The following BRD4 variants were observed in gnomAD, a reference collection of about 807,000 sequenced individuals.
The protein encoded by BRD4 is bromodomain-containing protein 4.
In BRD4, 16 loss-of-function variants were observed where a neutral mutation model predicts 142.1. That is an observed-to-expected ratio of 0.11 (90% CI 0.08 to 0.17). The LOEUF is 0.17. BRD4 is among the 10% of genes least tolerant of loss of function. BRD4 has a pLI of 1.00. For missense variants in BRD4, 1,424 were observed against 1,810.9 expected (o/e 0.79, Z 3.88); for synonymous variants, 833 against 707.5 (o/e 1.18, Z -2.82).
chr19:15,311,184 T>C (rs2047967160), intron 1 of BRD4, among the ~76,000 whole-genome samples: 1 of 151,756 alleles, frequency 6.6e-6, no homozygotes, highest in Non-Finnish European at 1.5e-5. Context: ...CCCAGCTACT[T>C]GAGAGGCTGA....
At chr19:15,316,453 T>C (rs2048019177) in intron 1 of BRD4, among the ~76,000 whole-genome samples, 1 of 151,938 alleles carries the variant, frequency 6.6e-6, no homozygotes, top group Non-Finnish European at 1.5e-5. Flanking sequence ...CAGTCGGGCA[T>C]GGTGGCGCAT....
At chr19:15,251,454 GGCGGGGGC>G (rs2047345179) in intron 11 of BRD4, among the ~76,000 whole-genome samples, 1 of 73,190 alleles carries the variant, frequency 1.4e-5, no homozygotes, top group African/African-American at 5.2e-5. Context: ...GGGGGGGGGG[GGCGGGGGC>G]GCGGGCCTGC....
rs763779694 is a variant in BRD4, at chr19:15,242,977, G to A, written c.3092C>T (p.Pro1031Leu). Residue 1031 changes from proline to leucine, a missense_variant, in exon 14 of 20, where the codon CCG becomes CTG. Pro to Leu is a moderately conservative substitution (Grantham distance 98). Coordinates refer to ENST00000679869, the MANE Select transcript of BRD4 (RefSeq NM_001379291.1). ...HPPPGQQPPPPQPAKPQQVIQ... is the reference protein window; with the variant it reads ...HPPPGQQPPPLQPAKPQQVIQ... Reference sequence around the variant, plus strand: ...GACTTGCTGAGGCTTGGCAGGCTGCGGCGGGGGTGGCTGCTGGCCTGGGGG... The same window carrying A: ...GACTTGCTGAGGCTTGGCAGGCTGCAGCGGGGGTGGCTGCTGGCCTGGGGG... The A allele has an allele frequency of 6.3e-6, 10 of 1,589,546 alleles. No homozygotes were observed. Among genetic ancestry groups the A allele is most frequent in the Admixed American group, 1.8e-5 (1 of 56,796 alleles).
At chr19:15,273,338 G>A (rs1448539256) in intron 1 of BRD4, among the ~76,000 whole-genome samples, 1 of 152,182 alleles carries the variant, frequency 6.6e-6, no homozygotes, top group Non-Finnish European at 1.5e-5. Context: ...GCAGGGAGGA[G>A]ACCACAAACC....
rs2145510429 is a variant in BRD4, at chr19:15,243,015, C to T, written c.3054G>A (p.Gln1018=). 8.7e-7 allele frequency: 1 copy of T among 1,142,904 alleles called. No individual in the cohort carries two copies. The highest frequency in any genetic ancestry group is 1.1e-6 in the Non-Finnish European group (1 of 892,388). 70.8% of individuals were successfully genotyped at this position (1,142,904 alleles called of 1,614,324 possible). The change falls in exon 14 of 20, where the codon CAG becomes CAA. Residue 1018 remains glutamine (Q), a synonymous_variant. Coordinates refer to ENST00000679869, the MANE Select transcript of BRD4 (RefSeq NM_001379291.1). ...IQQPPPPQGQ[Q]PPHPPPGQQP... ...GCTGGCCTGGGGGCGGATGGGGGGG[C>T]TGCTGGCCCTGGGGTGGCGGGGGCT...
rs959516835 is a variant in BRD4 at position 15,331,991 on chromosome 19, C to G, written c.-35+299G>C. On this transcript the variant is annotated intron_variant, in intron 1 of 19. Transcript: ENST00000679869. ...GCCCCGCCGCGGCGCCCGCGCCCCCCACCCGCGCCCCGCCGGCCAGCCCAA... is the reference window on the plus strand; with the variant it reads ...GCCCCGCCGCGGCGCCCGCGCCCCCGACCCGCGCCCCGCCGGCCAGCCCAA... 2.8e-5 allele frequency: 4 copies of G among 143,030 alleles called. No individual in the cohort carries two copies. The East Asian group carries it at 6.3e-4, about 22-fold the overall frequency. The allele number at this position is 143,030 out of a possible 1,614,324, so 8.9% of individuals were successfully genotyped here.
rs1375524100 is a variant in BRD4 at position 15,236,960 on chromosome 19, T to C, written c.*1417A>G. 4.9e-6 allele frequency: 1 copy of C among 202,648 alleles called. No individual in the cohort carries two copies. The highest frequency in any genetic ancestry group is 2.4e-5 in the African/African-American group (1 of 42,206). The allele number at this position is 202,648 out of a possible 1,614,324, so 12.6% of individuals were successfully genotyped here. On this transcript the variant is annotated 3_prime_UTR_variant, in exon 20 of 20. Transcript: ENST00000679869. ...CAACACTGAGGCACCAGCGTCGTGGTGTAGAGTGGGTTCTCATGGCACGCG... is the reference window on the plus strand; with the variant it reads ...CAACACTGAGGCACCAGCGTCGTGGCGTAGAGTGGGTTCTCATGGCACGCG...
intron 10 of BRD4, among the ~76,000 whole-genome samples, chr19:15,254,479 C>A (rs1039102973): frequency 2.6e-5 from 4 of 152,160 alleles, no homozygotes; most frequent in Non-Finnish European, 5.9e-5. Context: ...TTCAAGGTTC[C>A]TTCAATCTCT....
rs1555734337 is a variant in BRD4 at position 15,237,250 on chromosome 19, G to GT, written c.*1126_*1127insA. ...CAAAAAAGCCAACAAATGGGTGGGGGGGGGGGGGGTGGAGGGGAAAGAAAA... is the reference window on the plus strand; with the variant it reads ...CAAAAAAGCCAACAAATGGGTGGGGGTGGGGGGGGGTGGAGGGGAAAGAAAA... On this transcript the variant is annotated 3_prime_UTR_variant, in exon 20 of 20. Transcript: ENST00000679869. 2 of 122,406 alleles carry GT rather than the reference G, an allele frequency of 1.6e-5. No individual in the cohort carries two copies. The highest frequency in any genetic ancestry group is 3.3e-5 in the Non-Finnish European group (2 of 61,026). The allele number at this position is 122,406 out of a possible 1,614,324, so 7.6% of individuals were successfully genotyped here.
chr19:15,264,463 G>A lies in BRD4; in HGVS notation c.1153C>T (p.Leu385=). The A allele has an allele frequency of 1.2e-6, 2 of 1,614,104 alleles. No homozygotes were observed. The highest frequency in any genetic ancestry group is 1.1e-5 in the South Asian group (1 of 91,076). ...ATGTCACAGTAGTCGTGTAGGCCCA[G>A]TGCCTCCACGTCCACAGGCTTGTAG... ...PFYKPVDVEA[L]GLHDYCDIIK... is the part of the protein sequence containing the mutation. The change falls in exon 6 of 20, where the codon CTG becomes TTG. Residue 385 remains leucine (L), a synonymous_variant. Coordinates refer to ENST00000679869, the MANE Select transcript of BRD4 (RefSeq NM_001379291.1).
Position 15,244,559 on chromosome 19 carries a change from A to C in BRD4, c.2253T>G (p.Ala751=), listed in dbSNP as rs1008719671. Residue 751 remains alanine, a synonymous_variant, in exon 13 of 20, where the codon GCT becomes GCG. Coordinates refer to ENST00000679869, the MANE Select transcript of BRD4 (RefSeq NM_001379291.1). The part of the protein sequence containing the change: ...HHHQQMQQAP[A]PVPQQPPPPP... ...GCGGGGGCGGCTGCTGGGGCACAGG[A>C]GCCGGGGCCTGCTGCATCTGCTGAT... is the stretch of plus-strand genomic sequence containing the variant. The C allele has an allele frequency of 1.2e-6, 2 of 1,601,912 alleles. No homozygotes were observed. Among genetic ancestry groups the C allele is most frequent in the African/African-American group, 2.7e-5 (2 of 74,354 alleles).
intron 1 of BRD4, among the ~76,000 whole-genome samples, chr19:15,274,241 G>A (rs2047621918): frequency 6.6e-6 from 1 of 152,192 alleles, no homozygotes; most frequent in Non-Finnish European, 1.5e-5. Flanking sequence ...ATTGGTAGAA[G>A]GACAGCATCA....
rs141552564 is a variant in BRD4 at position 15,255,426 on chromosome 19, G to T, written c.1918C>A (p.Arg640=). Residue 640 remains arginine (R), a synonymous_variant, in exon 10 of 20, where the codon CGG becomes AGG. Transcript: ENST00000679869. ...LGRVVHIIQS[R]EPSLKNSNPD... Reference sequence around the variant, plus strand: ...TTGGAATTCTTCAGGGAGGGCTCCCGTGACTGGATGATGTGCACCACGCGG... The same window carrying T: ...TTGGAATTCTTCAGGGAGGGCTCCCTTGACTGGATGATGTGCACCACGCGG... The T allele has an allele frequency of 7.4e-6, 12 of 1,614,024 alleles. No individual in the cohort carries two copies. In the African/African-American group the frequency reaches 1.6e-4, roughly 22 times the overall value.
chr19:15,307,433 G>GA (rs1278819183), intron 1 of BRD4, among the ~76,000 whole-genome samples: 1 of 152,168 alleles, frequency 6.6e-6, no homozygotes, highest in Non-Finnish European at 1.5e-5. Flanking sequence ...TCCAGTGGGT[G>GA]AATGTCCATT....
In BRD4 at chr19:15,267,827, G is replaced by A. The variant is rs547031589; in HGVS notation, c.424-276C>T. Among the ~76,000 whole-genome samples, 495 of 152,252 alleles carry A rather than the reference G, an allele frequency of 3.3e-3. 2 individuals are homozygous for A. Among genetic ancestry groups the A allele is most frequent in the Middle Eastern group, 0.01 (3 of 294 alleles). ...CTGAGAAGCCATCCTAATGCCTTAA[G>A]CATCTACCAAGCTCAGCCAATCACT... On this transcript the variant is annotated intron_variant, in intron 3 of 19. Coordinates refer to ENST00000679869, the MANE Select transcript of BRD4 (RefSeq NM_001379291.1).
chr19:15,251,806 A>G (rs918418064), intron 11 of BRD4, among the ~76,000 whole-genome samples: 1 of 152,248 alleles, frequency 6.6e-6, no homozygotes, highest in African/African-American at 2.4e-5. Context: ...CAGTGCACAC[A>G]GAAGGCAAAG....
Position 15,243,310 on chromosome 19 carries a change from G to A in BRD4, c.2759C>T (p.Ala920Val). ...CATCTGCATGGAGGTGAGGGGTGGGGCAGGTGGCTCTTCATCCTCCAGCAG... is the reference window on the plus strand; with the variant it reads ...CATCTGCATGGAGGTGAGGGGTGGGACAGGTGGCTCTTCATCCTCCAGCAG... ...QVLLEDEEPP[A>V]PPLTSMQMQL... is the part of the protein sequence containing the mutation. The change falls in exon 14 of 20, where the codon GCC (alanine) becomes GTC (valine). Residue 920 changes from alanine (A) to valine (V), a missense_variant. Physicochemically the swap from Ala to Val is moderately conservative, Grantham distance 64. This residue lies in a region of BRD4 where 598 missense variants were observed against 647.8 expected (regional missense o/e 0.92). Transcript: ENST00000679869. 2 of 1,285,336 alleles carry A rather than the reference G, an allele frequency of 1.6e-6. No individual in the cohort carries two copies. Among genetic ancestry groups the A allele is most frequent in the Non-Finnish European group, 2.0e-6 (2 of 993,498 alleles). The allele number at this position is 1,285,336 out of a possible 1,614,324, so 79.6% of individuals were successfully genotyped here. A position where few individuals can be genotyped will look rare whatever the true frequency, so the allele number is the denominator to read the frequency against.
chr19:15,280,450 A>G (rs1474239175), intron 1 of BRD4: 1 of 1,012,432 alleles, frequency 9.9e-7, no homozygotes, highest in Admixed American at 5.9e-5. Flanking sequence ...ATTCCAAAGA[A>G]TTTCATCCTC....
intron 1 of BRD4, among the ~76,000 whole-genome samples, chr19:15,325,574 T>C (rs187835430): frequency 1.3e-5 from 2 of 152,228 alleles, no homozygotes; most frequent in South Asian, 2.1e-4. Context: ...GGGGAAAAAA[T>C]GTTTAAAATC....
Sources: allele counts gnomAD v4.1 joint callset (sites outside exome capture counted in the v4.1 genomes callset), GRCh38; gene constraint gnomAD v4.1.1; regional missense constraint gnomAD v4.1.1; transcripts MANE v1.5; gene names NCBI Gene and HGNC (gene_info 2026-07-23, HGNC 2026-07-21).